CTDSP1: variants seen among roughly 807,000 people sequenced by gnomAD.
The protein encoded by CTDSP1 is CTD small phosphatase 1, also known as carboxy-terminal domain RNA polymerase II polypeptide A small phosphatase 1.
A neutral mutation model predicts 32.5 loss-of-function variants in CTDSP1; 15 were observed. The observed-to-expected ratio is 0.46, with a 90% CI of 0.31 to 0.71. The LOEUF (loss-of-function observed/expected upper bound fraction) is 0.71. Among genes scored for constraint, CTDSP1 ranks in the 30% least tolerant of loss-of-function variants. The probability of loss-of-function intolerance (pLI) is 0.05; values close to 1 mark genes in which losing one functional copy is unlikely to be tolerated. For missense variants in CTDSP1, 294 were observed against 351.1 expected, an observed-to-expected ratio of 0.84 and a Z score of 1.30; for synonymous variants, 185 against 145.4, an observed-to-expected ratio of 1.27 and a Z score of -1.96.
intron 6 of CTDSP1, 198 bp downstream of exon 6, chr2:218,403,615 C>A: frequency 1.9e-6 from 1 of 525,606 alleles, no homozygotes; most frequent in Non-Finnish European, 3.3e-6. Context: ...TCCCCTCGCA[C>A]AAAGCAGAGC....
chr2:218,399,648 G>A (rs1458865546), upstream of CTDSP1: 4 of 839,334 alleles, frequency 4.8e-6, no homozygotes, highest in Non-Finnish European at 5.7e-6. Flanking sequence ...GCCGGGTGCC[G>A]GGCCTGCCAC....
intron 4 of CTDSP1, 65 bp downstream of exon 4, chr2:218,402,470 C>T: frequency 6.7e-7 from 1 of 1,496,226 alleles, no homozygotes; most frequent in Non-Finnish European, 9.2e-7. Context: ...CTCTTCCCAC[C>T]AATCCGGAGC....
rs1697181171 is a variant in CTDSP1 at position 218,402,228 on chromosome 2, C to CA, written c.321+15dup. The CA allele has an allele frequency of 6.2e-7, 1 of 1,612,516 alleles. No individual in the cohort carries two copies. The highest frequency in any genetic ancestry group is 1.7e-5 in the Admixed American group (1 of 60,000). On this transcript the variant is annotated intron_variant, in intron 3 of 6. Coordinates refer to ENST00000273062, the MANE Select transcript of CTDSP1 (RefSeq NM_021198.3). Reference sequence around the variant, plus strand: ...CAGCTCCTTCAAGGTGGGCCCTGCTCAACAGCCCTCAGCCCGGGTCTCGGG... The same window carrying CA: ...CAGCTCCTTCAAGGTGGGCCCTGCTCAAACAGCCCTCAGCCCGGGTCTCGGG...
At chr2:218,400,559 C>G (rs3795984) in intron 1 of CTDSP1, 5 of 373,358 alleles carry the variant, frequency 1.3e-5, no homozygotes, top group Non-Finnish European at 2.6e-5. Context: ...CCCACCCCCC[C>G]GGGCTGCGGT....
At chr2:218,398,550 G>A, upstream of CTDSP1, 1 of 1,150,376 alleles carries the variant, frequency 8.7e-7, no homozygotes, top group South Asian at 1.7e-5. Flanking sequence ...GCGCCTTCTG[G>A]CAGACGCCGC....
At position 218,402,138 on chromosome 2, in the gene CTDSP1, G is replaced by A. The variant is rs1240505668; in HGVS notation, c.244G>A (p.Glu82Lys). ...GACCCCAGTCCAATACCTGCTCCCT[G>A]AGGCCAAGGCCCAGGACTCAGACAA... ...KQTPVQYLLPEAKAQDSDKIC... is the reference protein window; with the variant it reads ...KQTPVQYLLPKAKAQDSDKIC... The change falls in exon 3 of 7, where the codon GAG becomes AAG. Residue 82 changes from glutamate to lysine, a missense_variant. Physicochemically the swap from Glu to Lys is moderately conservative, Grantham distance 56 (BLOSUM62 1). Coordinates refer to ENST00000273062, the MANE Select transcript of CTDSP1 (RefSeq NM_021198.3). 1 of 1,613,480 alleles carries A rather than the reference G, an allele frequency of 6.2e-7. No individual in the cohort carries two copies. The highest frequency in any genetic ancestry group is 1.1e-5 in the South Asian group (1 of 91,042).
At chr2:218,400,389 C>CT in intron 1 of CTDSP1, 3 of 642,830 alleles carry the variant, frequency 4.7e-6, no homozygotes, top group Non-Finnish European at 8.4e-6. Context: ...GGTGAGGAAA[C>CT]TGAGGCAGGA....
At chr2:218,401,223 G>T in intron 1 of CTDSP1, 1 of 398,070 alleles carries the variant, frequency 2.5e-6, no homozygotes, top group Non-Finnish European at 4.8e-6. Context: ...CAGGTAAGGT[G>T]GGGTCAGGAG....
rs1697373400 is a variant in CTDSP1, at chr2:218,405,659, A to G, written c.*1234A>G. 1 of 152,958 alleles carries G rather than the reference A, an allele frequency of 6.5e-6. No homozygotes were observed. The highest frequency in any genetic ancestry group is 2.1e-4 in the South Asian group (1 of 4,836). The allele number at this position is 152,958 out of a possible 1,614,324, so 9.5% of individuals were successfully genotyped here. On this transcript the variant is annotated 3_prime_UTR_variant, in exon 7 of 7. Transcript: ENST00000273062. ...CCCCTGCTGGCTGGGGGCAGCTCCC[A>G]GGATATCCTGCCTTCCAACTGTTTC...
intron 1 of CTDSP1, chr2:218,400,737 G>T: frequency 2.2e-6 from 1 of 455,724 alleles, no homozygotes; most frequent in South Asian, 1.6e-5. Flanking sequence ...AGAGTCGCTT[G>T]GCGCCCGCGG....
rs1375305929 is a variant in CTDSP1, at chr2:218,400,240, C to CGCCGCCGCCCCGGGCG, written c.67+90_67+105dup. The CGCCGCCGCCCCGGGCG allele has an allele frequency of 6.7e-4, 888 of 1,317,998 alleles. 10 individuals carry two copies. In the East Asian group the frequency reaches 0.022, roughly 32 times the overall value. 81.6% of individuals were successfully genotyped at this position (1,317,998 alleles called of 1,614,324 possible). A position where few individuals can be genotyped will look rare whatever the true frequency, so the allele number is the denominator to read the frequency against. On this transcript the variant is annotated intron_variant, in intron 1 of 6. Coordinates refer to ENST00000273062, the MANE Select transcript of CTDSP1 (RefSeq NM_021198.3). ...CCGGGATCTTCCCCAGGGGAGCCGC[C>CGCCGCCGCCCCGGGCG]GCCGCCGCCCCGGGCGGCCGCCTTA...
At position 218,405,703 on chromosome 2, in the gene CTDSP1, CAT is replaced by C. The variant is rs899458623; in HGVS notation, c.*1279_*1280del. On this transcript the variant is annotated 3_prime_UTR_variant, in exon 7 of 7. Transcript: ENST00000273062. ...CTGTTTCTGAAGCCCCTCCTCCTAA[CAT>C]GGCGATTCCGGAGGTCAAGGCCTTG... The C allele has an allele frequency of 1.1e-4, 17 of 153,138 alleles. No individual in the cohort carries two copies. The highest frequency in any genetic ancestry group is 3.6e-4 in the African/African-American group (15 of 41,590). The allele number at this position is 153,138 out of a possible 1,614,324, so 9.5% of individuals were successfully genotyped here.
chr2:218,401,419 G>C (rs1052710018), intron 1 of CTDSP1, 145 bp from the exon 2 acceptor site: 5 of 890,400 alleles, frequency 5.6e-6, no homozygotes, highest in Non-Finnish European at 3.4e-6. Context: ...GGGCGTTTCA[G>C]AGAAAGTCAG....
chr2:218,400,572 G>C, intron 1 of CTDSP1: 1 of 371,868 alleles, frequency 2.7e-6, no homozygotes, highest in Non-Finnish European at 5.3e-6. Flanking sequence ...GCTGCGGTCC[G>C]GTAGGGTCTT....
At chr2:218,404,088 C>T (rs182598750) in intron 6 of CTDSP1, among the ~76,000 whole-genome samples, 5 of 152,144 alleles carry the variant, frequency 3.3e-5, no homozygotes, top group East Asian at 3.9e-4. Context: ...CCGAGTGCTT[C>T]GCACAGATAA....
At position 218,405,748 on chromosome 2, in the gene CTDSP1, A is replaced by G. The variant is rs1480775387; in HGVS notation, c.*1323A>G. On this transcript the variant is annotated 3_prime_UTR_variant, in exon 7 of 7. Transcript: ENST00000273062. ...AGGCCTTGGGCTCTCCCCAGGGTCT[A>G]ACGGTTAAGGGGACCCACATACCAG... 2.0e-5 allele frequency: 3 copies of G among 152,840 alleles called. No homozygotes were observed. The highest frequency in any genetic ancestry group is 7.2e-5 in the African/African-American group (3 of 41,454). The allele number at this position is 152,840 out of a possible 1,614,324, so 9.5% of individuals were successfully genotyped here. A position where few individuals can be genotyped will look rare whatever the true frequency, so the allele number is the denominator to read the frequency against.
At chr2:218,399,714 C>G (rs1559133720), upstream of CTDSP1, 2 of 995,112 alleles carry the variant, frequency 2.0e-6, no homozygotes, top group Non-Finnish European at 2.4e-6. Context: ...GCGACGCCCC[C>G]TGGAGCGCGG....
chr2:218,399,745 C>T (rs989346819), upstream of CTDSP1: 8 of 1,018,528 alleles, frequency 7.9e-6, no homozygotes, highest in South Asian at 2.7e-4. Context: ...GCCCGGCCCG[C>T]CTCCCAGTCC....
rs1317207310 is a variant in CTDSP1 at position 218,402,158 on chromosome 2, A to T, written c.264A>T (p.Ser88=). Residue 88 remains serine, a synonymous_variant, in exon 3 of 7, where the codon TCA becomes TCT. Transcript: ENST00000273062. ...YLLPEAKAQD[S]DKICVVIDLD... Reference sequence around the variant, plus strand: ...TCCCTGAGGCCAAGGCCCAGGACTCAGACAAGATCTGCGTGGTCATCGACC... The same window carrying T: ...TCCCTGAGGCCAAGGCCCAGGACTCTGACAAGATCTGCGTGGTCATCGACC... 1 of 1,613,704 alleles carries T rather than the reference A, an allele frequency of 6.2e-7. No individual in the cohort carries two copies. Among genetic ancestry groups the T allele is most frequent in the East Asian group, 2.2e-5 (1 of 44,870 alleles).
Sources: gnomAD v4.1 joint callset for allele counts (sites outside exome capture counted in the v4.1 genomes callset) on GRCh38, gnomAD v4.1.1 for gene constraint, MANE v1.5 for transcripts, NCBI Gene and HGNC (gene_info 2026-07-23, HGNC 2026-07-21) for gene names.